Variants in RABEP1 observed in about 807,000 individuals in gnomAD.
RABEP1 encodes the protein rab GTPase-binding effector protein 1.
In RABEP1, 51 loss-of-function variants were observed where a neutral mutation model predicts 123.4. The ratio of observed to expected loss-of-function variants is 0.41; its 90% confidence interval spans 0.33 to 0.52. RABEP1 has a LOEUF of 0.52. Ranked by LOEUF, RABEP1 falls within the 20% of genes least tolerant of loss-of-function variation. The pLI, the probability that RABEP1 is intolerant of heterozygous loss-of-function variation, is 0.16. For missense variants in RABEP1, 888 were observed against 996.3 expected (o/e 0.89, Z 1.46); for synonymous variants, 347 against 355.2 (o/e 0.98, Z 0.26).
chr17:5,376,001 T>C (rs1329744103), intron 13 of RABEP1, among the ~76,000 whole-genome samples: 2 of 152,104 alleles, frequency 1.3e-5, no homozygotes, highest in African/African-American at 4.8e-5. Flanking sequence ...GCCTCCTGAG[T>C]AGCTGGGACT....
At chr17:5,343,007 C>T (rs1254913650) in intron 5 of RABEP1, among the ~76,000 whole-genome samples, 1 of 152,152 alleles carries the variant, frequency 6.6e-6, no homozygotes. Context: ...CGCCTGCCAT[C>T]TCAGCACTTT....
rs536479151 is a variant in RABEP1, at chr17:5,307,313, G to A, written c.35-1381G>A. ...AGCCTGGGCAACAGAGGGAGACTCC[G>A]TCTCAAAAGCATATGGAAGAAATTA... On this transcript the variant is annotated intron_variant, in intron 1 of 17. Transcript: ENST00000537505. 4.2e-4 allele frequency among the ~76,000 whole-genome samples: 64 copies of A among 152,312 alleles called. 1 individual carries two copies. Among genetic ancestry groups the A allele is most frequent in the African/African-American group, 1.5e-3 (63 of 41,566 alleles).
At chr17:5,288,653 C>A (rs2075002516) in intron 1 of RABEP1, among the ~76,000 whole-genome samples, 1 of 152,128 alleles carries the variant, frequency 6.6e-6, no homozygotes, top group Non-Finnish European at 1.5e-5. Context: ...CCTTGGCCTC[C>A]CAAAGTGCTG....
At chr17:5,370,259 GT>G (rs1910425041) in intron 12 of RABEP1, among the ~76,000 whole-genome samples, 1 of 152,126 alleles carries the variant, frequency 6.6e-6, no homozygotes, top group African/African-American at 2.4e-5. Context: ...CTTGGTTTGT[GT>G]TTTTTGCTGG....
intron 1 of RABEP1, among the ~76,000 whole-genome samples, chr17:5,299,725 C>CTTTTCTTT (rs2075117657): frequency 9.6e-6 from 1 of 104,086 alleles, no homozygotes; most frequent in Non-Finnish European, 1.8e-5. Context: ...TTTTCTTTTT[C>CTTTTCTTT]TTTTTCTTTT....
intron 2 of RABEP1, among the ~76,000 whole-genome samples, chr17:5,316,950 G>A (rs1336624876): frequency 1.3e-5 from 2 of 151,472 alleles, no homozygotes; most frequent in Non-Finnish European, 2.9e-5. Context: ...TGTCACCCAG[G>A]CTGGCGTGCT....
Position 5,381,404 on chromosome 17 carries a change from C to T in RABEP1, c.2386C>T (p.Leu796=). Residue 796 remains leucine, a synonymous_variant, in exon 17 of 18, where the codon CTA becomes TTA. Transcript: ENST00000537505. Reference sequence around the variant, plus strand: ...TATTTTTTAGGCTACCGTTGAACAACTAATGTTTGAAGAGAAGAATAAAGC... The same window carrying T: ...TATTTTTTAGGCTACCGTTGAACAATTAATGTTTGAAGAGAAGAATAAAGC... ...ETAAKATVEQ[L]MFEEKNKAQR... is the part of the protein sequence containing the mutation. 1.9e-6 allele frequency: 3 copies of T among 1,612,962 alleles called. No individual in the cohort carries two copies. The highest frequency in any genetic ancestry group is 2.5e-6 in the Non-Finnish European group (3 of 1,179,578).
Position 5,338,098 on chromosome 17 carries a change from C to G in RABEP1, c.608C>G (p.Thr203Arg). 6.2e-7 allele frequency: 1 copy of G among 1,613,350 alleles called. No individual in the cohort carries two copies. The highest frequency in any genetic ancestry group is 8.5e-7 in the Non-Finnish European group (1 of 1,179,460). The change falls in exon 5 of 18, where the codon ACA becomes AGA. Residue 203 changes from threonine (T) to arginine (R), a missense_variant. Physicochemically the swap from Thr to Arg is moderately conservative, Grantham distance 71. Transcript: ENST00000537505. ...KEIAALKDKL[T>R]EAEDKIKELE... The stretch of plus-strand genomic sequence containing the variant: ...ATTGCAGCTTTGAAGGATAAACTGA[C>G]AGAGGCTGAAGACAAAATTAAAGAG...
chr17:5,348,271 G>A (rs1179203861), intron 6 of RABEP1, among the ~76,000 whole-genome samples: 6 of 152,200 alleles, frequency 3.9e-5, no homozygotes, highest in Middle Eastern at 3.2e-3. Flanking sequence ...GAGCCACCAC[G>A]CCCAGCCCAG....
chr17:5,294,813 A>G (rs1277103295), intron 1 of RABEP1, among the ~76,000 whole-genome samples: 1 of 150,882 alleles, frequency 6.6e-6, no homozygotes, highest in Admixed American at 6.6e-5. Flanking sequence ...ACGCCAGGCT[A>G]ATTTTTGTAT....
At chr17:5,363,510 G>T (rs1909746781) in intron 10 of RABEP1, among the ~76,000 whole-genome samples, 1 of 152,006 alleles carries the variant, frequency 6.6e-6, no homozygotes, top group Non-Finnish European at 1.5e-5. Flanking sequence ...GAGCCACCGC[G>T]CTCGGCCAGG....
At chr17:5,316,449 CAAAAAA>C (rs386385498) in intron 2 of RABEP1, among the ~76,000 whole-genome samples, 1 of 28,582 alleles carries the variant, frequency 3.5e-5, no homozygotes, top group Non-Finnish European at 6.1e-5. Flanking sequence ...GACTCTGTCT[CAAAAAA>C]AAAAAAAAAA....
chr17:5,302,902 A>T (rs1044418388), intron 1 of RABEP1, among the ~76,000 whole-genome samples: 6 of 151,956 alleles, frequency 3.9e-5, no homozygotes, highest in Non-Finnish European at 8.8e-5. Context: ...TTAAAAAATG[A>T]TTTTTTTTGT....
chr17:5,375,497 G>A (rs1910915884), intron 13 of RABEP1, among the ~76,000 whole-genome samples: 2 of 152,044 alleles, frequency 1.3e-5, no homozygotes, highest in African/African-American at 2.4e-5. Flanking sequence ...TTCAACACCA[G>A]CCTGGACAAC....
At chr17:5,373,637 TAGA>T (rs201532021) in intron 13 of RABEP1, among the ~76,000 whole-genome samples, 183 bp downstream of exon 13, 2,096 of 151,224 alleles carry the variant, frequency 0.014, 19 homozygotes, top group Middle Eastern at 0.034. Flanking sequence ...CAATCAATTT[TAGA>T]ACATTTTCAT....
At chr17:5,291,585 T>A (rs1432193790) in intron 1 of RABEP1, among the ~76,000 whole-genome samples, 1 of 152,162 alleles carries the variant, frequency 6.6e-6, no homozygotes, top group African/African-American at 2.4e-5. Context: ...TTTCCCTGTG[T>A]TGTAAGTTTT....
intron 2 of RABEP1, among the ~76,000 whole-genome samples, chr17:5,327,717 C>T (rs1011072735): frequency 6.6e-6 from 1 of 152,054 alleles, no homozygotes; most frequent in Admixed American, 6.6e-5. Flanking sequence ...ATGATCATTA[C>T]CTTTTTGTTA....
rs752061465 is a variant in RABEP1, at chr17:5,368,426, G to A, written c.1842G>A (p.Gln614=). The change falls in exon 12 of 18, where the codon CAG becomes CAA. Residue 614 remains glutamine (Q), a synonymous_variant. Coordinates refer to ENST00000537505, the MANE Select transcript of RABEP1 (RefSeq NM_004703.6). ...CCGAGATCTTACTTGAAGAGTTACA[G>A]CAGGGGCTTTCCCAGGCAAAGAGGG... The part of the protein sequence containing the change: ...QASEILLEEL[Q]QGLSQAKRDV... 3 of 1,613,582 alleles carry A rather than the reference G, an allele frequency of 1.9e-6. No homozygotes were observed. Among genetic ancestry groups the A allele is most frequent in the Admixed American group, 1.7e-5 (1 of 59,956 alleles).
intron 1 of RABEP1, among the ~76,000 whole-genome samples, chr17:5,300,941 C>T (rs2075130594): frequency 6.6e-6 from 1 of 152,160 alleles, no homozygotes; most frequent in African/African-American, 2.4e-5. Flanking sequence ...GGCCCCATCT[C>T]CAGAATTTCT....
Sources: allele counts gnomAD v4.1 joint callset (sites outside exome capture counted in the v4.1 genomes callset), GRCh38; gene constraint gnomAD v4.1.1; transcripts MANE v1.5; gene names NCBI Gene and HGNC (gene_info 2026-07-23, HGNC 2026-07-21).